The following FBXL17 variants were observed in gnomAD, a reference collection of about 807,000 sequenced individuals.
FBXL17 encodes F-box/LRR-repeat protein 17.
A neutral mutation model predicts 66.2 loss-of-function variants in FBXL17; 22 were observed. The ratio of observed to expected loss-of-function variants is 0.33; its 90% confidence interval spans 0.24 to 0.47. FBXL17 has a LOEUF of 0.47. Ranked by LOEUF, FBXL17 falls within the 20% of genes least tolerant of loss-of-function variation. FBXL17 has a pLI of 1.00. For missense variants in FBXL17, 878 were observed against 948.2 expected (o/e 0.93, Z 0.97); for synonymous variants, 474 against 400.5 (o/e 1.18, Z -2.19).
In FBXL17 at chr5:108,086,734, T is replaced by C. The variant is rs533495218; in HGVS notation, c.1746-65733A>G. Among the ~76,000 whole-genome samples, 4 of 152,272 alleles carry C rather than the reference T, an allele frequency of 2.6e-5. No individual in the cohort carries two copies. The East Asian group carries it at 7.7e-4, about 29-fold the overall frequency. Reference sequence around the variant, plus strand: ...TGCCACCACACCCAGCTAATTTTTGTATTTTTAGTAGAGTAGGGGTTTCAC... The same window carrying C: ...TGCCACCACACCCAGCTAATTTTTGCATTTTTAGTAGAGTAGGGGTTTCAC... On this transcript the variant is annotated intron_variant, in intron 6 of 8. Transcript: ENST00000542267.
intron 4 of FBXL17, among the ~76,000 whole-genome samples, chr5:108,340,825 A>C (rs972692827): frequency 6.6e-6 from 1 of 152,178 alleles, no homozygotes; most frequent in African/African-American, 2.4e-5. Flanking sequence ...TTATATTCCA[A>C]CACTAGGAGG....
At chr5:108,008,738 T>C (rs1228488467) in intron 7 of FBXL17, among the ~76,000 whole-genome samples, 5 of 152,154 alleles carry the variant, frequency 3.3e-5, no homozygotes. Context: ...CCTATACAAG[T>C]GCCTGCTCCT....
intron 4 of FBXL17, among the ~76,000 whole-genome samples, chr5:108,344,351 A>G (rs1225176024): frequency 6.6e-6 from 1 of 152,230 alleles, no homozygotes; most frequent in Non-Finnish European, 1.5e-5. Context: ...GTAAACAGTC[A>G]CAATTAACTT....
At chr5:107,884,013 G>A (rs904674075) in intron 7 of FBXL17, among the ~76,000 whole-genome samples, 3 of 152,168 alleles carry the variant, frequency 2.0e-5, no homozygotes, top group Non-Finnish European at 4.4e-5. Flanking sequence ...GTAAAAACAA[G>A]TACAAGAAAG....
At chr5:107,865,053 T>G (rs1278706500) in intron 8 of FBXL17, among the ~76,000 whole-genome samples, 1 of 152,176 alleles carries the variant, frequency 6.6e-6, no homozygotes, top group African/African-American at 2.4e-5. Flanking sequence ...TGCAAAGAAG[T>G]AAATGTAGTC....
At chr5:108,189,779 T>C (rs935928614) in intron 5 of FBXL17, among the ~76,000 whole-genome samples, 7 of 152,196 alleles carry the variant, frequency 4.6e-5, no homozygotes, top group Non-Finnish European at 7.3e-5. Flanking sequence ...TTATCCTGCT[T>C]GGTCCTGAAG....
At position 107,861,184 on chromosome 5, in the gene FBXL17, CTT is replaced by C. The variant is rs1438712931; in HGVS notation, c.*534_*535del. On this transcript the variant is annotated 3_prime_UTR_variant, in exon 9 of 9. Coordinates refer to ENST00000542267, the MANE Select transcript of FBXL17 (RefSeq NM_001163315.3). ...AGTGCCACAGTGGATAACATGCTAC[CTT>C]AGTGGCCTGGAAGAAGGCTTCTCTG... The C allele has an allele frequency of 1.3e-5, 2 of 152,210 alleles. No individual in the cohort carries two copies. Among genetic ancestry groups the C allele is most frequent in the Non-Finnish European group, 2.9e-5 (2 of 68,054 alleles). The allele number at this position is 152,210 out of a possible 1,614,324, so 9.4% of individuals were successfully genotyped here.
At chr5:107,890,467 G>A (rs1303944825) in intron 7 of FBXL17, among the ~76,000 whole-genome samples, 1 of 151,784 alleles carries the variant, frequency 6.6e-6, no homozygotes. Context: ...TTCAAGACCA[G>A]CCTGGGCAAC....
chr5:108,381,990 G>C lies in FBXL17; in HGVS notation c.-299C>G. On this transcript the variant is annotated 5_prime_UTR_variant, in exon 1 of 9. Coordinates refer to ENST00000542267, the MANE Select transcript of FBXL17 (RefSeq NM_001163315.3). ...GCCTGCCGGCTAGGCGACCAGTCCG[G>C]GCCCGGCCAGCCGGCTCAGTCAGTC... The C allele has an allele frequency of 8.5e-7, 1 of 1,180,538 alleles. No individual in the cohort carries two copies. Among genetic ancestry groups the C allele is most frequent in the Non-Finnish European group, 1.0e-6 (1 of 952,942 alleles). The allele number at this position is 1,180,538 out of a possible 1,614,324, so 73.1% of individuals were successfully genotyped here. A position where few individuals can be genotyped will look rare whatever the true frequency, so the allele number is the denominator to read the frequency against.
intron 4 of FBXL17, among the ~76,000 whole-genome samples, chr5:108,251,779 G>A (rs1222241988): frequency 1.3e-5 from 2 of 151,976 alleles, no homozygotes; most frequent in East Asian, 3.9e-4. Context: ...TATATAAATT[G>A]TTTTATAAGT....
intron 7 of FBXL17, among the ~76,000 whole-genome samples, chr5:107,988,605 T>C (rs1304992430): frequency 6.6e-6 from 1 of 152,036 alleles, no homozygotes; most frequent in Admixed American, 6.6e-5. Context: ...AAGTGAAACA[T>C]CAAAGATCCA....
In FBXL17 at chr5:108,334,580, C is replaced by A. The variant is rs542838980; in HGVS notation, c.1506+13819G>T. On this transcript the variant is annotated intron_variant, in intron 4 of 8. Transcript: ENST00000542267. ...AGGTAGAGGGTTAGGGTACCAATGACAGCAGAAAGGATTATGACCAACTGT... is the reference window on the plus strand; with the variant it reads ...AGGTAGAGGGTTAGGGTACCAATGAAAGCAGAAAGGATTATGACCAACTGT... 2.0e-4 allele frequency among the ~76,000 whole-genome samples: 30 copies of A among 152,316 alleles called. 1 individual carries two copies. Among genetic ancestry groups the A allele is most frequent in the African/African-American group, 6.7e-4 (28 of 41,576 alleles).
At chr5:108,261,057 TA>T (rs146773293) in intron 4 of FBXL17, among the ~76,000 whole-genome samples, 248 of 151,040 alleles carry the variant, frequency 1.6e-3, no homozygotes, top group East Asian at 0.012. Context: ...TAAGTATTAG[TA>T]AAAAAAAATA....
At chr5:108,036,798 C>T (rs1003219909) in intron 6 of FBXL17, among the ~76,000 whole-genome samples, 2 of 152,086 alleles carry the variant, frequency 1.3e-5, no homozygotes, top group South Asian at 4.2e-4. Flanking sequence ...AATTGATGCA[C>T]AGTAATAAGG....
At chr5:107,904,466 C>T (rs999064) in intron 7 of FBXL17, among the ~76,000 whole-genome samples, 81,650 of 152,100 alleles carry the variant, frequency 0.54, 23,255 homozygotes, top group African/African-American at 0.71. Flanking sequence ...CCCACTCCAA[C>T]CTAGCTTTCT....
intron 7 of FBXL17, among the ~76,000 whole-genome samples, chr5:107,893,843 G>T (rs1425048094): frequency 6.6e-6 from 1 of 152,068 alleles, no homozygotes. Flanking sequence ...GCTGACAATT[G>T]GCAACATTCA....
rs143899633 is a variant in FBXL17, at chr5:108,300,326, C to CA, written c.1506+48072dup. On this transcript the variant is annotated intron_variant, in intron 4 of 8. Coordinates refer to ENST00000542267, the MANE Select transcript of FBXL17 (RefSeq NM_001163315.3). ...AAGATTCTTTCTACAGAGAGACACT[C>CA]AAACTTTTTCTACTTCTATATTTAG... Among the ~76,000 whole-genome samples the CA allele has an allele frequency of 5.0e-3, 763 of 151,998 alleles. 9 individuals are homozygous for CA. Among genetic ancestry groups the CA allele is most frequent in the African/African-American group, 0.016 (669 of 41,532 alleles).
At chr5:108,055,958 A>G (rs910776595) in intron 6 of FBXL17, among the ~76,000 whole-genome samples, 15 of 152,196 alleles carry the variant, frequency 9.9e-5, no homozygotes, top group Admixed American at 5.9e-4. Context: ...GGTTATAGAG[A>G]GACTAAGACC....
chr5:107,952,203 T>C (rs186899702), intron 7 of FBXL17, among the ~76,000 whole-genome samples: 1 of 152,294 alleles, frequency 6.6e-6, no homozygotes, highest in Admixed American at 6.5e-5. Context: ...ATGGCTCCTC[T>C]CTTTCAAATA....
Sources: allele counts gnomAD v4.1 joint callset (sites outside exome capture counted in the v4.1 genomes callset), GRCh38; gene constraint gnomAD v4.1.1; transcripts MANE v1.5; gene names NCBI Gene and HGNC (gene_info 2026-07-23, HGNC 2026-07-21).